Variants in VIT observed in about 807,000 individuals in gnomAD.
VIT encodes the protein vitrin.
Under a neutral mutation model 78.0 loss-of-function variants are expected in VIT, and 99 were observed. The observed-to-expected ratio is 1.27, with a 90% CI of 1.08 to 1.50. The LOEUF is 1.50. VIT is among the 40% of genes most tolerant of loss of function. The probability of loss-of-function intolerance (pLI) is 0.00; values close to 1 mark genes in which losing one functional copy is unlikely to be tolerated. For synonymous variants in VIT, 374 were observed against 334.3 expected (o/e 1.12, Z -1.29); for missense variants, 1,126 against 875.3 (o/e 1.29, Z -3.61).
At chr2:36,744,323 CCAGCAATGGGTATATATAGT>C (rs1356831074) in intron 4 of VIT, among the ~76,000 whole-genome samples, 1 of 151,922 alleles carries the variant, frequency 6.6e-6, no homozygotes, top group Admixed American at 6.6e-5. Flanking sequence ...TGGTATATAC[CCAGCAATGGGTATATATAGT>C]CAGCAATGGG....
At chr2:36,725,136 A>G (rs546769763) in intron 2 of VIT, among the ~76,000 whole-genome samples, 63 of 152,146 alleles carry the variant, frequency 4.1e-4, no homozygotes, top group South Asian at 8.3e-4. Flanking sequence ...GTTCTCACTC[A>G]GTTCTCTTTC....
At chr2:36,698,762 G>T (rs1664830393) in intron 1 of VIT, among the ~76,000 whole-genome samples, 1 of 152,056 alleles carries the variant, frequency 6.6e-6, no homozygotes, top group Non-Finnish European at 1.5e-5. Context: ...TGGCCAACAT[G>T]GTGAAACCCC....
intron 15 of VIT, among the ~76,000 whole-genome samples, chr2:36,813,313 A>G (rs1473206605): frequency 1.3e-5 from 2 of 151,930 alleles, no homozygotes; most frequent in Non-Finnish European, 2.9e-5. Flanking sequence ...AGCCAGGTGC[A>G]GTGGCACATG....
At position 36,808,902 on chromosome 2, in the gene VIT, A is replaced by G. The variant is rs781171726; in HGVS notation, c.1820A>G (p.Asn607Ser). 3 of 1,614,104 alleles carry G rather than the reference A, an allele frequency of 1.9e-6. No homozygotes were observed. Among genetic ancestry groups the G allele is most frequent in the South Asian group, 1.1e-5 (1 of 91,070 alleles). Residue 607 changes from asparagine to serine, a missense_variant, in exon 15 of 16, where the codon AAC (asparagine) becomes AGC (serine). Physicochemically the swap from Asn to Ser is conservative, Grantham distance 46. Coordinates refer to ENST00000379242, the MANE Select transcript of VIT (RefSeq NM_053276.4). ...CAGCTCTTCAAGAAGTCCAAGCCCA[A>G]CAAGAGGAAGTTAATGATCCTCATC... The part of the protein sequence containing the change: ...LEQLFKKSKP[N>S]KRKLMILITD...
At chr2:36,740,437 A>G (rs937435248) in intron 3 of VIT, among the ~76,000 whole-genome samples, 1 of 152,186 alleles carries the variant, frequency 6.6e-6, no homozygotes, top group Admixed American at 6.5e-5. Flanking sequence ...GAACATAGAC[A>G]TTACACTTTT....
At chr2:36,767,005 A>G in intron 6 of VIT, 89 bp from the exon 7 acceptor site, 1 of 1,361,354 alleles carries the variant, frequency 7.3e-7, no homozygotes, top group African/African-American at 1.5e-5. Context: ...GCTCATAGCT[A>G]GTGTTCAATC....
chr2:36,756,001 A>G (rs1334942212), intron 5 of VIT, among the ~76,000 whole-genome samples: 1 of 108,998 alleles, frequency 9.2e-6, no homozygotes, highest in African/African-American at 3.5e-5. Context: ...CTTGTTGCCC[A>G]GGTTGGAGCG....
At chr2:36,720,344 A>G (rs1464691179) in intron 2 of VIT, among the ~76,000 whole-genome samples, 2 of 152,232 alleles carry the variant, frequency 1.3e-5, no homozygotes, top group South Asian at 2.1e-4. Flanking sequence ...CCACACATTT[A>G]TAGTTAACTG....
chr2:36,739,552 C>T (rs549621508), intron 3 of VIT, among the ~76,000 whole-genome samples: 1 of 152,174 alleles, frequency 6.6e-6, no homozygotes, highest in Non-Finnish European at 1.5e-5. Flanking sequence ...GACACATGAA[C>T]CTCAGTGACC....
chr2:36,714,348 T>A (rs1665993676), intron 1 of VIT, among the ~76,000 whole-genome samples: 1 of 152,222 alleles, frequency 6.6e-6, no homozygotes. Flanking sequence ...TGTTTCTAGA[T>A]CTCCATTCAG....
At chr2:36,704,952 C>A (rs552731946) in intron 1 of VIT, among the ~76,000 whole-genome samples, 2 of 152,290 alleles carry the variant, frequency 1.3e-5, no homozygotes, top group Admixed American at 6.5e-5. Flanking sequence ...TCAGGCTAGT[C>A]CAGGCTCTAG....
chr2:36,728,275 C>T (rs1666977725), intron 2 of VIT, among the ~76,000 whole-genome samples: 1 of 151,734 alleles, frequency 6.6e-6, no homozygotes, highest in African/African-American at 2.4e-5. Flanking sequence ...AGAGTATACT[C>T]CTTCACTTAC....
At chr2:36,707,100 T>C (rs1295490924) in intron 1 of VIT, among the ~76,000 whole-genome samples, 1 of 152,216 alleles carries the variant, frequency 6.6e-6, no homozygotes, top group African/African-American at 2.4e-5. Context: ...TAGCCTTCTC[T>C]AGTTAAAACC....
At position 36,716,084 on chromosome 2, in the gene VIT, T is replaced by C. The variant is rs187696079; in HGVS notation, c.-18-269T>C. Among the ~76,000 whole-genome samples, 107 of 152,334 alleles carry C rather than the reference T, an allele frequency of 7.0e-4. No homozygotes were observed. The East Asian group carries it at 0.013, about 19-fold the overall frequency. On this transcript the variant is annotated intron_variant, in intron 1 of 15. Coordinates refer to ENST00000379242, the MANE Select transcript of VIT (RefSeq NM_053276.4). The stretch of plus-strand genomic sequence containing the variant: ...ACATATTCTCAAAATTGTAGAGTTA[T>C]TTCCTCTTCAGTTCTAAGTAAACAT...
At chr2:36,781,206 G>C (rs1353465036) in intron 9 of VIT, among the ~76,000 whole-genome samples, 1 of 152,200 alleles carries the variant, frequency 6.6e-6, no homozygotes, top group East Asian at 1.9e-4. Context: ...AAACAGGTGG[G>C]ACAAATGTAC....
At chr2:36,782,934 T>C (rs1345007515) in intron 10 of VIT, among the ~76,000 whole-genome samples, 3 of 152,344 alleles carry the variant, frequency 2.0e-5, no homozygotes, top group Admixed American at 6.5e-5. Flanking sequence ...CACCAAATGT[T>C]GACTGAGGAC....
At chr2:36,705,055 C>T (rs10192186) in intron 1 of VIT, among the ~76,000 whole-genome samples, 18,164 of 152,052 alleles carry the variant, frequency 0.12, 1,154 homozygotes, top group African/African-American at 0.15. Flanking sequence ...AAGGGAAGAA[C>T]GGGGAGGAGG....
chr2:36,771,795 T>C (rs1009797831), intron 7 of VIT, among the ~76,000 whole-genome samples: 4 of 152,310 alleles, frequency 2.6e-5, no homozygotes, highest in African/African-American at 9.6e-5. Flanking sequence ...ACTAGAAGAA[T>C]GGCTAAAGAA....
chr2:36,717,651 G>A (rs528749505), intron 2 of VIT, among the ~76,000 whole-genome samples: 5 of 152,182 alleles, frequency 3.3e-5, no homozygotes, highest in African/African-American at 7.2e-5. Context: ...AGGGGTTCAG[G>A]GCCAAGCCCA....
Sources: allele counts gnomAD v4.1 joint callset (sites outside exome capture counted in the v4.1 genomes callset), GRCh38; gene constraint gnomAD v4.1.1; transcripts MANE v1.5; gene names NCBI Gene and HGNC (gene_info 2026-07-23, HGNC 2026-07-21).